Variants in PTPRT observed in about 807,000 individuals in gnomAD.
PTPRT encodes the protein receptor-type tyrosine-protein phosphatase T.
PTPRT carries 56 observed loss-of-function variants against 176.8 expected under a neutral mutation model. The ratio of observed to expected loss-of-function variants is 0.32; its 90% confidence interval spans 0.26 to 0.40. PTPRT has a LOEUF of 0.40. PTPRT is among the 10% of genes least tolerant of loss of function. The probability of loss-of-function intolerance (pLI) is 1.00; values close to 1 mark genes in which losing one functional copy is unlikely to be tolerated. For synonymous variants in PTPRT, 783 were observed against 739.0 expected (o/e 1.06, Z -0.96); for missense variants, 1,540 against 1,908.2 (o/e 0.81, Z 3.60).
intron 7 of PTPRT, among the ~76,000 whole-genome samples, chr20:42,631,626 G>A (rs2074407731): frequency 6.6e-6 from 1 of 152,290 alleles, no homozygotes; most frequent in East Asian, 1.9e-4. Context: ...GAGTTGTCCT[G>A]TTTTGGGGAT....
At chr20:42,271,571 C>A (rs2056936054) in intron 13 of PTPRT, among the ~76,000 whole-genome samples, 1 of 152,176 alleles carries the variant, frequency 6.6e-6, no homozygotes, top group Non-Finnish European at 1.5e-5. Flanking sequence ...GTGCCTGACA[C>A]ATAGTAGGTA....
chr20:42,431,526 T>C (rs1341247741), intron 9 of PTPRT, among the ~76,000 whole-genome samples: 2 of 152,202 alleles, frequency 1.3e-5, no homozygotes, highest in African/African-American at 2.4e-5. Context: ...TATGTAATTA[T>C]AGTTAGGTAA....
intron 7 of PTPRT, among the ~76,000 whole-genome samples, chr20:42,660,664 C>T (rs1157358655): frequency 6.6e-6 from 1 of 152,112 alleles, no homozygotes; most frequent in African/African-American, 2.4e-5. Flanking sequence ...CATGCAACAC[C>T]TATTTATTGC....
chr20:42,548,217 A>T (rs2072709193), intron 7 of PTPRT, among the ~76,000 whole-genome samples: 1 of 152,106 alleles, frequency 6.6e-6, no homozygotes, highest in African/African-American at 2.4e-5. Context: ...GAACTAGATA[A>T]ACTTAGCTTA....
intron 17 of PTPRT, among the ~76,000 whole-genome samples, chr20:42,143,414 G>A (rs113143720): frequency 0.021 from 3,157 of 152,132 alleles, 104 homozygotes; most frequent in African/African-American, 0.071. Context: ...AAAATTAGCC[G>A]GGCATGGTGG....
At chr20:42,212,435 A>G (rs2055665556) in intron 15 of PTPRT, among the ~76,000 whole-genome samples, 1 of 150,968 alleles carries the variant, frequency 6.6e-6, no homozygotes, top group African/African-American at 2.5e-5. Flanking sequence ...AAAAAAAAAA[A>G]AAGAATCAAT....
intron 6 of PTPRT, among the ~76,000 whole-genome samples, chr20:42,730,157 G>A (rs1263411547): frequency 1.3e-5 from 2 of 152,156 alleles, no homozygotes; most frequent in African/African-American, 4.8e-5. Context: ...CATTCTTCTA[G>A]AAAGTGGCAG....
At chr20:42,520,848 G>T (rs2072159718) in intron 7 of PTPRT, among the ~76,000 whole-genome samples, 1 of 128,260 alleles carries the variant, frequency 7.8e-6, no homozygotes, top group Admixed American at 7.4e-5. Context: ...TGTGTAGATA[G>T]ATAGATAGAT....
In PTPRT at chr20:42,302,467, T is replaced by C. The variant is rs76553010; in HGVS notation, c.2139+13256A>G. On this transcript the variant is annotated intron_variant, in intron 12 of 30. Transcript: ENST00000373187. ...ACATACACTTTCCTCTGCCCCACTG[T>C]CTACCTGGAAAATATCCACTTACCT... is the stretch of plus-strand genomic sequence containing the variant. 2.6e-3 allele frequency among the ~76,000 whole-genome samples: 400 copies of C among 152,314 alleles called. 2 individuals are homozygous for C. Among genetic ancestry groups the C allele is most frequent in the African/African-American group, 9.1e-3 (379 of 41,576 alleles).
chr20:42,915,161 T>G (rs1039709311), intron 1 of PTPRT, among the ~76,000 whole-genome samples: 5 of 152,206 alleles, frequency 3.3e-5, no homozygotes, highest in Admixed American at 2.0e-4. Flanking sequence ...AGAAAATCAC[T>G]CCCCAGATTA....
chr20:42,503,556 C>T (rs2071792844), intron 7 of PTPRT, among the ~76,000 whole-genome samples: 1 of 151,972 alleles, frequency 6.6e-6, no homozygotes, highest in African/African-American at 2.4e-5. Flanking sequence ...GTGATGCTGA[C>T]TCAAAATTTT....
chr20:42,770,742 G>A (rs2077050437), intron 5 of PTPRT, among the ~76,000 whole-genome samples: 1 of 152,198 alleles, frequency 6.6e-6, no homozygotes, highest in African/African-American at 2.4e-5. Flanking sequence ...CACGTACCAA[G>A]AACCTAAGCT....
intron 15 of PTPRT, among the ~76,000 whole-genome samples, chr20:42,234,111 TAA>T (rs1458883615): frequency 6.6e-6 from 1 of 152,100 alleles, no homozygotes; most frequent in African/African-American, 2.4e-5. Context: ...ATGCATACCC[TAA>T]GAGGCCCTGG....
At chr20:42,224,242 A>C (rs935273951) in intron 15 of PTPRT, among the ~76,000 whole-genome samples, 39 of 152,204 alleles carry the variant, frequency 2.6e-4, no homozygotes, top group African/African-American at 9.4e-4. Flanking sequence ...GGTGGAGGTG[A>C]CTTTACTCCT....
chr20:42,588,164 C>G (rs1199433093), intron 7 of PTPRT, among the ~76,000 whole-genome samples: 1 of 152,054 alleles, frequency 6.6e-6, no homozygotes, highest in Non-Finnish European at 1.5e-5. Context: ...GCTGGTACAG[C>G]CGGGCACAGT....
At chr20:42,620,060 A>G (rs1286014201) in intron 7 of PTPRT, among the ~76,000 whole-genome samples, 1 of 148,214 alleles carries the variant, frequency 6.7e-6, no homozygotes, top group East Asian at 2.0e-4. Context: ...TTTTTTCCCC[A>G]TCTTTGTGGT....
chr20:42,876,950 T>C (rs1343816113), intron 2 of PTPRT, among the ~76,000 whole-genome samples: 1 of 152,022 alleles, frequency 6.6e-6, no homozygotes, highest in African/African-American at 2.4e-5. Context: ...TGCCGGGGTT[T>C]GATTTAGGAG....
chr20:42,823,858 T>C (rs566146688), intron 2 of PTPRT, among the ~76,000 whole-genome samples: 2 of 151,842 alleles, frequency 1.3e-5, no homozygotes, highest in South Asian at 2.1e-4. Context: ...GATGATATGA[T>C]TGAATACCTA....
Position 42,619,684 on chromosome 20 carries a change from A to G in PTPRT, c.1153+58182T>C, listed in dbSNP as rs529311555. Among the ~76,000 whole-genome samples the G allele has an allele frequency of 2.6e-4, 35 of 135,968 alleles. 9 individuals are homozygous for G. The highest frequency in any genetic ancestry group is 1.2e-3 in the African/African-American group (35 of 29,776). 89.2% of individuals were successfully genotyped at this position (135,968 alleles called of 152,430 possible). The stretch of plus-strand genomic sequence containing the variant: ...TAAACTTCCCTTCTCGCTTCATTTC[A>G]TTCATTTCATCTTTCATTGCTGATG... On this transcript the variant is annotated intron_variant, in intron 7 of 30. Coordinates refer to ENST00000373187, the MANE Select transcript of PTPRT (RefSeq NM_007050.6).
Sources: allele counts gnomAD v4.1 joint callset (sites outside exome capture counted in the v4.1 genomes callset), GRCh38; gene constraint gnomAD v4.1.1; transcripts MANE v1.5; gene names NCBI Gene and HGNC (gene_info 2026-07-23, HGNC 2026-07-21).